The following MEGF11 variants were observed in gnomAD, a reference collection of about 807,000 sequenced individuals.
MEGF11 encodes the protein multiple epidermal growth factor-like domains protein 11.
A neutral mutation model predicts 146.6 loss-of-function variants in MEGF11; 126 were observed. That is an observed-to-expected ratio of 0.86 (90% CI 0.74 to 1.00). The LOEUF (loss-of-function observed/expected upper bound fraction) is 1.00. Ranked by LOEUF, MEGF11 falls within the 50% of genes least tolerant of loss-of-function variation. MEGF11 has a pLI of 0.00. For missense variants in MEGF11, 1,509 were observed against 1,521.2 expected (o/e 0.99, Z 0.13); for synonymous variants, 532 against 583.4 (o/e 0.91, Z 1.27).
chr15:66,145,303 T>A (rs1199608894), intron 1 of MEGF11, among the ~76,000 whole-genome samples: 1 of 151,880 alleles, frequency 6.6e-6, no homozygotes, highest in Non-Finnish European at 1.5e-5. Flanking sequence ...AGGAAGCTGA[T>A]ATCATATGCC....
chr15:66,204,090 A>G (rs11631455), intron 1 of MEGF11, among the ~76,000 whole-genome samples: 39,068 of 149,210 alleles, frequency 0.26, 5,172 homozygotes, highest in South Asian at 0.33. Context: ...TAAAGGGGGA[A>G]AAAAAAAAAG....
intron 1 of MEGF11, among the ~76,000 whole-genome samples, chr15:66,194,027 A>G (rs1222378607): frequency 6.6e-6 from 1 of 152,224 alleles, no homozygotes; most frequent in African/African-American, 2.4e-5. Flanking sequence ...AGAAGTCATT[A>G]TACAAAAAAA....
At chr15:66,079,145 G>C (rs1057025374) in intron 5 of MEGF11, among the ~76,000 whole-genome samples, 2 of 152,168 alleles carry the variant, frequency 1.3e-5, no homozygotes, top group African/African-American at 4.8e-5. Context: ...TCAAGAATGG[G>C]GAGAGCAGTG....
intron 3 of MEGF11, among the ~76,000 whole-genome samples, chr15:66,121,422 C>A (rs926422236): frequency 6.6e-6 from 1 of 152,180 alleles, no homozygotes; most frequent in Admixed American, 6.5e-5. Context: ...TCCTATTGGA[C>A]CACCTTTCTG....
chr15:66,176,836 T>G (rs2090399886), intron 1 of MEGF11, among the ~76,000 whole-genome samples: 1 of 152,160 alleles, frequency 6.6e-6, no homozygotes, highest in Non-Finnish European at 1.5e-5. Flanking sequence ...AGAGATGGCC[T>G]TGGGTGTTTC....
At chr15:66,220,154 G>A (rs750189932) in intron 1 of MEGF11, among the ~76,000 whole-genome samples, 5 of 151,894 alleles carry the variant, frequency 3.3e-5, no homozygotes, top group Non-Finnish European at 7.4e-5. Flanking sequence ...AAGCAAGGAG[G>A]GATTTTTTCC....
At chr15:65,915,707 G>T in intron 18 of MEGF11, 109 bp from the exon 19 acceptor site, 1 of 1,380,242 alleles carries the variant, frequency 7.2e-7, no homozygotes, top group Non-Finnish European at 9.9e-7. Context: ...ACTGAGTGAA[G>T]CCTATTCCCT....
At chr15:66,127,779 T>A (rs897740905) in intron 2 of MEGF11, among the ~76,000 whole-genome samples, 2 of 152,174 alleles carry the variant, frequency 1.3e-5, no homozygotes, top group African/African-American at 4.8e-5. Flanking sequence ...GCTCTTCCGC[T>A]GCAGCTTTGG....
At chr15:65,993,651 C>G (rs578139139) in intron 5 of MEGF11, among the ~76,000 whole-genome samples, 1 of 151,970 alleles carries the variant, frequency 6.6e-6, no homozygotes, top group African/African-American at 2.4e-5. Context: ...TGTGTGGGGG[C>G]GGGTAGGGGA....
chr15:65,912,655 A>C (rs1485515363), intron 20 of MEGF11, among the ~76,000 whole-genome samples: 1 of 152,200 alleles, frequency 6.6e-6, no homozygotes, highest in Non-Finnish European at 1.5e-5. Context: ...ATACCAGAGG[A>C]ATGGCATAGG....
intron 5 of MEGF11, among the ~76,000 whole-genome samples, chr15:66,063,598 T>C (rs574272607): frequency 6.6e-6 from 1 of 152,214 alleles, no homozygotes; most frequent in African/African-American, 2.4e-5. Context: ...TCCCCACAAG[T>C]CTTCATTGTA....
intron 5 of MEGF11, among the ~76,000 whole-genome samples, chr15:66,052,760 C>A (rs1476477725): frequency 6.6e-6 from 1 of 152,186 alleles, no homozygotes; most frequent in Non-Finnish European, 1.5e-5. Context: ...GAGGCCCTCC[C>A]ATCTTTGAAC....
chr15:66,188,092 C>T (rs1445842930), intron 1 of MEGF11, among the ~76,000 whole-genome samples: 4 of 151,762 alleles, frequency 2.6e-5, no homozygotes, highest in Non-Finnish European at 5.9e-5. Context: ...GAGCAGCATC[C>T]CTGGCCTCTA....
intron 23 of MEGF11, 49 bp from the exon 24 acceptor site, chr15:65,906,190 C>T (rs1284892709): frequency 2.9e-6 from 4 of 1,371,586 alleles, no homozygotes; most frequent in Non-Finnish European, 4.1e-6. Flanking sequence ...GTGAGGTTTA[C>T]TTAGACTGCT....
rs909531671 is a variant in MEGF11 at position 66,079,016 on chromosome 15, G to A, written c.394+15386C>T. On this transcript the variant is annotated intron_variant, in intron 5 of 25. Transcript: ENST00000395614. ...TCCAAAAATTCAGGAGGAGCCACACGTGCCAGGGCCCTGCCTCACCCCCAC... is the reference window on the plus strand; with the variant it reads ...TCCAAAAATTCAGGAGGAGCCACACATGCCAGGGCCCTGCCTCACCCCCAC... 2.6e-5 allele frequency among the ~76,000 whole-genome samples: 4 copies of A among 152,272 alleles called. No homozygotes were observed. The East Asian group carries it at 5.8e-4, about 22-fold the overall frequency.
intron 7 of MEGF11, among the ~76,000 whole-genome samples, chr15:65,972,309 C>T (rs1311905211): frequency 2.0e-5 from 3 of 152,088 alleles, no homozygotes; most frequent in Admixed American, 2.0e-4. Context: ...ACTGAAAAGG[C>T]CTACAAAGTC....
intron 1 of MEGF11, among the ~76,000 whole-genome samples, chr15:66,129,803 A>G (rs139792059): frequency 6.6e-6 from 1 of 152,330 alleles, no homozygotes; most frequent in Non-Finnish European, 1.5e-5. Flanking sequence ...AGCTCCTTCA[A>G]AGATAAACAA....
intron 10 of MEGF11, among the ~76,000 whole-genome samples, chr15:65,934,548 G>T (rs1347617186): frequency 1.3e-5 from 2 of 152,208 alleles, no homozygotes; most frequent in African/African-American, 4.8e-5. Flanking sequence ...ACTGCACCTG[G>T]CCAAAAGTGA....
chr15:66,177,683 C>CTTT (rs58849037), intron 1 of MEGF11, among the ~76,000 whole-genome samples: 1 of 142,182 alleles, frequency 7.0e-6, no homozygotes, highest in Non-Finnish European at 1.5e-5. Context: ...CCTTTTTCTT[C>CTTT]TTTTTTTTTT....
Sources: allele counts gnomAD v4.1 joint callset (sites outside exome capture counted in the v4.1 genomes callset), GRCh38; gene constraint gnomAD v4.1.1; transcripts MANE v1.5; gene names NCBI Gene and HGNC (gene_info 2026-07-23, HGNC 2026-07-21).